The following EDRF1 variants were observed in gnomAD, a reference collection of about 807,000 sequenced individuals.
EDRF1 encodes erythroid differentiation regulatory factor 1, also known as erythroid differentiation-related factor 1.
A neutral mutation model predicts 148.7 loss-of-function variants in EDRF1; 69 were observed. The observed-to-expected ratio is 0.46, with a 90% CI of 0.38 to 0.57. The LOEUF is 0.57. Among genes scored for constraint, EDRF1 ranks in the 20% least tolerant of loss-of-function variants. EDRF1 has a pLI of 0.00. For synonymous variants in EDRF1, 515 were observed against 532.8 expected (o/e 0.97, Z 0.46); for missense variants, 1,118 against 1,478.7 (o/e 0.76, Z 4.00).
At chr10:125,757,063 C>G (rs117403602) in intron 24 of EDRF1, 9,760 of 432,384 alleles carry the variant, frequency 0.023, 146 homozygotes, top group Non-Finnish European at 0.029. Flanking sequence ...TCCACCTTCC[C>G]CAGACTCCCA....
At chr10:125,751,240 A>C (rs931075942) in intron 22 of EDRF1, among the ~76,000 whole-genome samples, 1 of 152,166 alleles carries the variant, frequency 6.6e-6, no homozygotes, top group Non-Finnish European at 1.5e-5. Context: ...TAAGATGATA[A>C]GTGTGTTTAA....
chr10:125,726,652 A>C (rs1848267656), intron 6 of EDRF1, among the ~76,000 whole-genome samples: 1 of 152,234 alleles, frequency 6.6e-6, no homozygotes, highest in Non-Finnish European at 1.5e-5. Flanking sequence ...CACAAATTAC[A>C]GGGAGCAGAT....
intron 15 of EDRF1, 152 bp downstream of exon 15, chr10:125,738,597 T>C: frequency 1.0e-6 from 1 of 965,220 alleles, no homozygotes; most frequent in East Asian, 2.6e-5. Flanking sequence ...TTCTTTCATT[T>C]GAAATATAAA....
In EDRF1 at chr10:125,747,984, C is replaced by T; in HGVS notation, c.3095C>T (p.Ser1032Phe). ...RAATIHHRLA[S>F]MYHSCLRNQV... Reference sequence around the variant, plus strand: ...GCAACCATCCATCACAGGCTGGCCTCCATGTACCACAGCTGTCTGAGGAAT... The same window carrying T: ...GCAACCATCCATCACAGGCTGGCCTTCATGTACCACAGCTGTCTGAGGAAT... Residue 1032 changes from serine (S) to phenylalanine (F), a missense_variant, in exon 21 of 25, where the codon TCC (serine) becomes TTC (phenylalanine). This residue lies in a region of EDRF1 where 954 missense variants were observed against 1,241.4 expected (regional missense o/e 0.77). Coordinates refer to ENST00000356792, the MANE Select transcript of EDRF1 (RefSeq NM_001202438.2). 1 of 1,614,188 alleles carries T rather than the reference C, an allele frequency of 6.2e-7. No homozygotes were observed. Among genetic ancestry groups the T allele is most frequent in the Non-Finnish European group, 8.5e-7 (1 of 1,180,046 alleles).
chr10:125,742,473 A>G, intron 17 of EDRF1: 4 of 1,025,116 alleles, frequency 3.9e-6, no homozygotes, highest in African/African-American at 1.7e-5. Context: ...GGGGAGAGGG[A>G]AAAATGTGTT....
At chr10:125,723,989 G>A (rs1848135167) in intron 4 of EDRF1, 53 bp downstream of exon 4, 1 of 1,602,428 alleles carries the variant, frequency 6.2e-7, no homozygotes, top group African/African-American at 1.3e-5. Context: ...AAGAGCACTA[G>A]AAATACGATT....
At chr10:125,746,932 C>A (rs1341706411) in intron 19 of EDRF1, 1 of 153,082 alleles carries the variant, frequency 6.5e-6, no homozygotes, top group East Asian at 1.9e-4. Flanking sequence ...GGAATTGAAG[C>A]CATTTAAATG....
At chr10:125,753,653 T>C in intron 23 of EDRF1, 41 bp from the exon 24 acceptor site, 1 of 1,612,920 alleles carries the variant, frequency 6.2e-7, no homozygotes, top group South Asian at 1.1e-5. Context: ...AAACTACAGT[T>C]GTTGGATAGC....
chr10:125,739,216 A>T (rs528019786), intron 15 of EDRF1, among the ~76,000 whole-genome samples: 1 of 152,180 alleles, frequency 6.6e-6, no homozygotes, highest in Non-Finnish European at 1.5e-5. Context: ...TCCTGAACAA[A>T]CATGGTGGAG....
At chr10:125,719,945 G>C (rs376638772) in intron 1 of EDRF1, 30 bp downstream of exon 1, 5 of 1,594,158 alleles carry the variant, frequency 3.1e-6, no homozygotes, top group African/African-American at 1.3e-5. Flanking sequence ...GGACCTGCCA[G>C]GGATGTGGGA....
chr10:125,755,662 A>G (rs1450872329), intron 24 of EDRF1, among the ~76,000 whole-genome samples: 2 of 152,284 alleles, frequency 1.3e-5, no homozygotes, highest in South Asian at 2.1e-4. Context: ...GGTGAGTTCA[A>G]TTTCTTTTCA....
intron 22 of EDRF1, chr10:125,749,953 C>A: frequency 3.2e-6 from 1 of 316,386 alleles, no homozygotes; most frequent in South Asian, 2.8e-5. Context: ...ACAACCTGGC[C>A]AACATAGTGA....
At chr10:125,736,068 C>T (rs931283500) in intron 13 of EDRF1, among the ~76,000 whole-genome samples, 164 bp downstream of exon 13, 2 of 151,978 alleles carry the variant, frequency 1.3e-5, no homozygotes, top group African/African-American at 2.4e-5. Flanking sequence ...TATAATTGTT[C>T]GAGGGTAACT....
At chr10:125,762,811 A>T (rs1348294249) in intron 24 of EDRF1, among the ~76,000 whole-genome samples, 1 of 152,210 alleles carries the variant, frequency 6.6e-6, no homozygotes, top group East Asian at 1.9e-4. Context: ...TTTATGACAC[A>T]GGAAGGCGCT....
chr10:125,756,661 C>T (rs1849912773), intron 24 of EDRF1: 1 of 321,248 alleles, frequency 3.1e-6, no homozygotes, highest in Non-Finnish European at 5.9e-6. Context: ...AACTGACCTC[C>T]TTATTACTAC....
intron 9 of EDRF1, among the ~76,000 whole-genome samples, chr10:125,731,224 A>G (rs191449816): frequency 5.9e-5 from 9 of 152,356 alleles, no homozygotes; most frequent in Non-Finnish European, 8.8e-5. Flanking sequence ...GTTGTTATTC[A>G]GAAAGAGATA....
At chr10:125,733,874 C>T in intron 11 of EDRF1, 131 bp downstream of exon 11, 2 of 919,844 alleles carry the variant, frequency 2.2e-6, no homozygotes, top group South Asian at 1.4e-5. Context: ...AATACACGTA[C>T]ACATTGTACC....
chr10:125,757,604 AT>A (rs1179632922), intron 24 of EDRF1, among the ~76,000 whole-genome samples: 1 of 152,204 alleles, frequency 6.6e-6, no homozygotes, highest in African/African-American at 2.4e-5. Flanking sequence ...AACTTTTAGC[AT>A]TTAGCATTTG....
intron 22 of EDRF1, 123 bp downstream of exon 22, chr10:125,749,688 T>C (rs1849543357): frequency 8.6e-7 from 1 of 1,156,950 alleles, no homozygotes; most frequent in African/African-American, 1.5e-5. Context: ...CCATAGTTAA[T>C]GACTTCGGGT....
Sources: gnomAD v4.1 joint callset for allele counts (sites outside exome capture counted in the v4.1 genomes callset) on GRCh38, gnomAD v4.1.1 for gene constraint, gnomAD v4.1.1 regional missense constraint, MANE v1.5 for transcripts, NCBI Gene and HGNC (gene_info 2026-07-23, HGNC 2026-07-21) for gene names.